ABTB2: variants seen among roughly 807,000 people sequenced by gnomAD.
The protein encoded by ABTB2 is ankyrin repeat and BTB domain containing 2, also known as ankyrin repeat and BTB/POZ domain-containing protein 2.
A neutral mutation model predicts 104.1 loss-of-function variants in ABTB2; 56 were observed. That is an observed-to-expected ratio of 0.54 (90% CI 0.43 to 0.67). The LOEUF is 0.67. ABTB2 is among the 30% of genes least tolerant of loss of function. The pLI is 0.00. For synonymous variants in ABTB2, 606 were observed against 608.2 expected (o/e 1.00, Z 0.05); for missense variants, 1,279 against 1,407.7 (o/e 0.91, Z 1.46).
intron 1 of ABTB2, among the ~76,000 whole-genome samples, chr11:34,256,533 G>A (rs1162358537): frequency 6.6e-6 from 1 of 152,186 alleles, no homozygotes; most frequent in Non-Finnish European, 1.5e-5. Context: ...AAGCTGTCCG[G>A]GGTTCTGACC....
chr11:34,310,582 T>A (rs927749805), intron 1 of ABTB2, among the ~76,000 whole-genome samples: 1 of 152,120 alleles, frequency 6.6e-6, no homozygotes. Context: ...CAACCTCCGC[T>A]GCATCCCTCC....
At chr11:34,251,934 TGGA>T (rs1854061675) in intron 1 of ABTB2, among the ~76,000 whole-genome samples, 1 of 152,162 alleles carries the variant, frequency 6.6e-6, no homozygotes, top group African/African-American at 2.4e-5. Context: ...CTGCAGCCAG[TGGA>T]GGAGACTTTC....
At chr11:34,312,445 T>C (rs754434542) in intron 1 of ABTB2, among the ~76,000 whole-genome samples, 9 of 152,144 alleles carry the variant, frequency 5.9e-5, no homozygotes, top group Non-Finnish European at 1.2e-4. Flanking sequence ...TTATAAGGGA[T>C]AAACAAGATG....
chr11:34,346,948 G>A (rs1340024544), intron 1 of ABTB2, among the ~76,000 whole-genome samples: 1 of 152,204 alleles, frequency 6.6e-6, no homozygotes, highest in Non-Finnish European at 1.5e-5. Context: ...ACTAAAAAAA[G>A]TTGTAAAGGT....
intron 1 of ABTB2, among the ~76,000 whole-genome samples, chr11:34,246,573 C>G (rs1412311147): frequency 8.7e-6 from 1 of 115,468 alleles, no homozygotes; most frequent in Admixed American, 1.1e-4. Context: ...TGCACTCCAG[C>G]CTGGGCAATA....
At chr11:34,351,859 T>C (rs2092485) in intron 1 of ABTB2, among the ~76,000 whole-genome samples, 1 of 151,900 alleles carries the variant, frequency 6.6e-6, no homozygotes, top group Non-Finnish European at 1.5e-5. Flanking sequence ...GAGCTTTCAG[T>C]AGGAGGAAGT....
intron 4 of ABTB2, among the ~76,000 whole-genome samples, chr11:34,172,397 T>TAC (rs1328870581): frequency 0.042 from 947 of 22,802 alleles, 75 homozygotes; most frequent in Non-Finnish European, 0.067. Flanking sequence ...AAAAAAAAAA[T>TAC]ATATATATAT....
chr11:34,322,900 A>C (rs1855023058), intron 1 of ABTB2, among the ~76,000 whole-genome samples: 1 of 152,084 alleles, frequency 6.6e-6, no homozygotes, highest in South Asian at 2.1e-4. Flanking sequence ...GTGGGAACAA[A>C]TGCTTGCTTG....
chr11:34,264,000 C>T (rs116481018), intron 1 of ABTB2, among the ~76,000 whole-genome samples: 307 of 152,246 alleles, frequency 2.0e-3, no homozygotes, highest in African/African-American at 7.0e-3. Context: ...TGGAGTCTGA[C>T]GTTTGGCTGG....
chr11:34,185,769 A>T (rs559815533), intron 3 of ABTB2, among the ~76,000 whole-genome samples: 1 of 152,292 alleles, frequency 6.6e-6, no homozygotes, highest in Non-Finnish European at 1.5e-5. Flanking sequence ...CAGTATGATG[A>T]CTATAGTTAA....
At chr11:34,258,380 A>G (rs1690942579) in intron 1 of ABTB2, among the ~76,000 whole-genome samples, 1 of 152,134 alleles carries the variant, frequency 6.6e-6, no homozygotes, top group Admixed American at 6.5e-5. Context: ...CACCTGTCTT[A>G]CAGATGAGAA....
intron 1 of ABTB2, among the ~76,000 whole-genome samples, chr11:34,251,236 G>A (rs993501400): frequency 2.6e-5 from 4 of 152,340 alleles, no homozygotes; most frequent in South Asian, 4.1e-4. Flanking sequence ...GCCCATGGGC[G>A]TGGGCTCTGC....
chr11:34,162,497 T>C (rs1852735729), intron 10 of ABTB2, 79 bp downstream of exon 10: 1 of 1,475,416 alleles, frequency 6.8e-7, no homozygotes, highest in African/African-American at 1.4e-5. Flanking sequence ...CTCTCAGGCC[T>C]GCTGAAGAGC....
chr11:34,157,871 T>C (rs550760142), intron 14 of ABTB2, among the ~76,000 whole-genome samples: 1 of 152,236 alleles, frequency 6.6e-6, no homozygotes, highest in East Asian at 1.9e-4. Flanking sequence ...CCATCCCTTC[T>C]TACCGCTGCA....
intron 1 of ABTB2, among the ~76,000 whole-genome samples, chr11:34,308,058 T>C (rs541294650): frequency 3.9e-5 from 6 of 152,274 alleles, no homozygotes; most frequent in African/African-American, 1.4e-4. Context: ...ATCAGGACCC[T>C]TTGGGCAAGT....
At chr11:34,189,557 C>T (rs1379835830) in intron 3 of ABTB2, among the ~76,000 whole-genome samples, 1 of 152,198 alleles carries the variant, frequency 6.6e-6, no homozygotes, top group African/African-American at 2.4e-5. Context: ...GCCGTGATCA[C>T]GCCACTGCAT....
At position 34,165,369 on chromosome 11, in the gene ABTB2, CAG is replaced by C. The variant is rs1345353850; in HGVS notation, c.1756-15_1756-14del. 1 of 1,579,178 alleles carries C rather than the reference CAG, an allele frequency of 6.3e-7. No individual in the cohort carries two copies. The highest frequency in any genetic ancestry group is 1.8e-5 in the Admixed American group (1 of 55,000). On this transcript the variant is annotated splice_polypyrimidine_tract_variant and intron_variant, in intron 7 of 16. Coordinates refer to ENST00000435224, the MANE Select transcript of ABTB2 (RefSeq NM_145804.3). ...CATCCAGCAGCAACTGCCAGGGGCACAGAGGAGGAGGGCACTGCTCAGCGTGG... is the reference window on the plus strand; with the variant it reads ...CATCCAGCAGCAACTGCCAGGGGCACAGGAGGAGGGCACTGCTCAGCGTGG...
At chr11:34,221,038 T>C (rs1480876310) in intron 1 of ABTB2, among the ~76,000 whole-genome samples, 1 of 152,058 alleles carries the variant, frequency 6.6e-6, no homozygotes, top group Non-Finnish European at 1.5e-5. Context: ...GGTGCGATCT[T>C]GGCTCACTGC....
At chr11:34,301,264 C>T (rs1342974099) in intron 1 of ABTB2, among the ~76,000 whole-genome samples, 2 of 151,998 alleles carry the variant, frequency 1.3e-5, no homozygotes, top group Non-Finnish European at 2.9e-5. Context: ...CCTTCTTTCC[C>T]GTAGTTAGTG....
Sources: allele counts gnomAD v4.1 joint callset (sites outside exome capture counted in the v4.1 genomes callset), GRCh38; gene constraint gnomAD v4.1.1; transcripts MANE v1.5; gene names NCBI Gene and HGNC (gene_info 2026-07-23, HGNC 2026-07-21).